Variants in ARL13B observed in about 807,000 individuals in gnomAD.
The protein encoded by ARL13B is ADP-ribosylation factor-like protein 13B.
A neutral mutation model predicts 56.1 loss-of-function variants in ARL13B; 36 were observed. The observed-to-expected ratio is 0.64, with a 90% CI of 0.49 to 0.85. The LOEUF is 0.85. Ranked by LOEUF, ARL13B falls within the 40% of genes least tolerant of loss-of-function variation. The pLI is 0.00. For missense variants in ARL13B, 519 were observed against 507.1 expected, an observed-to-expected ratio of 1.02 and a Z score of -0.23; for synonymous variants, 178 against 171.1, an observed-to-expected ratio of 1.04 and a Z score of -0.32.
intron 1 of ARL13B, among the ~76,000 whole-genome samples, chr3:93,993,485 A>G (rs774108862): frequency 6.6e-6 from 1 of 152,104 alleles, no homozygotes; most frequent in Non-Finnish European, 1.5e-5. Context: ...CAGTGACACA[A>G]TCATGGCTCA....
chr3:94,041,123 C>T (rs971124461), intron 6 of ARL13B, among the ~76,000 whole-genome samples: 1 of 151,114 alleles, frequency 6.6e-6, no homozygotes, highest in African/African-American at 2.4e-5. Flanking sequence ...TTTTTCCCCA[C>T]AAAACTTTTT....
intron 1 of ARL13B, among the ~76,000 whole-genome samples, chr3:93,985,056 A>G (rs1051026377): frequency 3.3e-5 from 5 of 152,208 alleles, no homozygotes; most frequent in Admixed American, 6.5e-5. Context: ...TAAAAATTTT[A>G]AATTCAAATA....
At chr3:93,986,427 T>G (rs1205891513) in intron 1 of ARL13B, among the ~76,000 whole-genome samples, 1 of 152,216 alleles carries the variant, frequency 6.6e-6, no homozygotes, top group African/African-American at 2.4e-5. Flanking sequence ...TACATTTTTT[T>G]CTTTCTATCA....
At chr3:94,011,116 A>T (rs577711255) in intron 3 of ARL13B, among the ~76,000 whole-genome samples, 1 of 152,138 alleles carries the variant, frequency 6.6e-6, no homozygotes, top group Non-Finnish European at 1.5e-5. Flanking sequence ...GTGATATTTT[A>T]TAAATTAAAA....
At chr3:94,018,342 G>A (rs546422730) in intron 3 of ARL13B, among the ~76,000 whole-genome samples, 2 of 152,254 alleles carry the variant, frequency 1.3e-5, no homozygotes, top group Admixed American at 1.3e-4. Flanking sequence ...GAAACTAGAA[G>A]CAATAGGACT....
rs1429700079 is a variant in ARL13B at position 94,053,597 on chromosome 3, CT to C, written c.*337del. On this transcript the variant is annotated 3_prime_UTR_variant, in exon 10 of 10. Transcript: ENST00000394222. The stretch of plus-strand genomic sequence containing the variant: ...AAAGAGCCAATGGACTCAGCACTTT[CT>C]TTACTATTTGTTCAATAGCCTATAT... 4.1e-6 allele frequency: 2 copies of C among 492,610 alleles called. No individual in the cohort carries two copies. The highest frequency in any genetic ancestry group is 7.9e-6 in the Non-Finnish European group (2 of 253,066). The allele number at this position is 492,610 out of a possible 1,614,324, so 30.5% of individuals were successfully genotyped here. A position where few individuals can be genotyped will look rare whatever the true frequency, so the allele number is the denominator to read the frequency against.
chr3:94,049,146 A>T (rs1298410636), intron 7 of ARL13B, among the ~76,000 whole-genome samples: 1 of 151,474 alleles, frequency 6.6e-6, no homozygotes, highest in Non-Finnish European at 1.5e-5. Flanking sequence ...ATTCTGAAAA[A>T]CCTCTCAGAA....
At chr3:93,989,155 A>G (rs1269193423) in intron 1 of ARL13B, among the ~76,000 whole-genome samples, 1 of 152,216 alleles carries the variant, frequency 6.6e-6, no homozygotes, top group African/African-American at 2.4e-5. Context: ...TTTGATATAT[A>G]TGGATATAAT....
intron 1 of ARL13B, among the ~76,000 whole-genome samples, chr3:93,981,975 T>TA (rs1447804381): frequency 1.3e-5 from 2 of 151,626 alleles, no homozygotes; most frequent in African/African-American, 2.4e-5. Flanking sequence ...CAGTATCTAC[T>TA]AAGACTTGAG....
chr3:94,045,950 CAAAAAAAA>C (rs1199964643), intron 7 of ARL13B, among the ~76,000 whole-genome samples: 2 of 44,450 alleles, frequency 4.5e-5, no homozygotes, highest in Admixed American at 2.3e-4. Context: ...GACTCCATCA[CAAAAAAAA>C]AAAAAAAAAG....
chr3:93,991,512 C>A (rs1236021905), intron 1 of ARL13B, among the ~76,000 whole-genome samples: 2 of 152,136 alleles, frequency 1.3e-5, no homozygotes, highest in African/African-American at 2.4e-5. Context: ...GTAGCCAGGA[C>A]TGTAGGCACA....
At chr3:94,029,354 T>TTA (rs1219070269) in intron 3 of ARL13B, among the ~76,000 whole-genome samples, 96 of 134,718 alleles carry the variant, frequency 7.1e-4, no homozygotes, top group Non-Finnish European at 1.2e-3. Context: ...TTTTTATTTT[T>TTA]TTTTTTTTTT....
intron 3 of ARL13B, among the ~76,000 whole-genome samples, chr3:94,017,792 G>A (rs1369810612): frequency 6.6e-6 from 1 of 152,128 alleles, no homozygotes; most frequent in Non-Finnish European, 1.5e-5. Context: ...TGTATTGTAG[G>A]TCTAGGAGTT....
Position 93,989,419 on chromosome 3 carries a change from T to G in ARL13B, c.60-6455T>G, listed in dbSNP as rs543409134. ...TGTATAAAAAGTAGCCGGGGATGGT[T>G]GTGAAGGGCTGAAGGAGTACTCGGC... On this transcript the variant is annotated intron_variant, in intron 1 of 9. Transcript: ENST00000394222. Among the ~76,000 whole-genome samples the G allele has an allele frequency of 3.9e-5, 6 of 152,024 alleles. No homozygotes were observed. The East Asian group carries it at 9.7e-4, about 24-fold the overall frequency.
At chr3:93,995,735 G>A (rs2075954606) in intron 1 of ARL13B, 139 bp from the exon 2 acceptor site, 1 of 707,980 alleles carries the variant, frequency 1.4e-6, no homozygotes, top group African/African-American at 1.8e-5. Flanking sequence ...ATTCATCATT[G>A]TACTCCCTAG....
intron 1 of ARL13B, among the ~76,000 whole-genome samples, chr3:93,982,583 A>G (rs1710271629): frequency 6.6e-6 from 1 of 152,250 alleles, no homozygotes; most frequent in Admixed American, 6.5e-5. Context: ...TACTTTTTAA[A>G]AAATGAGATT....
chr3:93,981,380 A>T lies in ARL13B; in HGVS notation c.59+898A>T, dbSNP rs551220805. Among the ~76,000 whole-genome samples, 46 of 151,262 alleles carry T rather than the reference A, an allele frequency of 3.0e-4. 1 individual carries two copies. In the South Asian group the frequency reaches 9.0e-3, roughly 30 times the overall value. On this transcript the variant is annotated intron_variant, in intron 1 of 9. Coordinates refer to ENST00000394222, the MANE Select transcript of ARL13B (RefSeq NM_001174150.2). ...ATAAAGCAAAGTTGTTTTTTTTTTT[A>T]AATTGTTAACATTTTAAGTATATTT...
intron 1 of ARL13B, among the ~76,000 whole-genome samples, chr3:93,995,193 T>G (rs2075945021): frequency 6.6e-6 from 1 of 152,174 alleles, no homozygotes; most frequent in Non-Finnish European, 1.5e-5. Flanking sequence ...TGTCCCACAT[T>G]TAAATCCCTA....
chr3:94,023,460 A>G (rs1156814464), intron 3 of ARL13B, among the ~76,000 whole-genome samples: 1 of 151,508 alleles, frequency 6.6e-6, no homozygotes, highest in Admixed American at 6.6e-5. Context: ...GGTCTTTTCA[A>G]CCTAGAAACT....
Sources: gnomAD v4.1 joint callset for allele counts (sites outside exome capture counted in the v4.1 genomes callset) on GRCh38, gnomAD v4.1.1 for gene constraint, MANE v1.5 for transcripts, NCBI Gene and HGNC (gene_info 2026-07-23, HGNC 2026-07-21) for gene names.